The following RTL4 variants were observed in gnomAD, a reference collection of about 807,000 sequenced individuals.
RTL4 encodes the protein retrotransposon Gag like 4, also known as retrotransposon Gag-like protein 4.
In RTL4, 4 loss-of-function variants were observed where a neutral mutation model predicts 5.3. The ratio of observed to expected loss-of-function variants is 0.75; its 90% CI spans 0.37 to 1.72. The LOEUF (loss-of-function observed/expected upper bound fraction) is 1.72. Ranked by LOEUF, RTL4 falls within the 40% of genes most tolerant of loss-of-function variation. The pLI is 0.04. For synonymous variants in RTL4, 98 were observed against 87.3 expected, an observed-to-expected ratio of 1.12 and a Z score of -0.68; for missense variants, 260 against 227.1, an observed-to-expected ratio of 1.14 and a Z score of -0.93.
the RTL4 span, among the ~76,000 whole-genome samples, chrX:112,136,400 T>C: frequency 3.6e-5 from 4 of 111,961 alleles, no homozygotes; most frequent in Admixed American, 2.9e-4. Context: ...TCCATGCCTT[T>C]TTCCAGATCA....
chrX:112,194,618 A>G, the RTL4 span, among the ~76,000 whole-genome samples: 1 of 112,049 alleles, frequency 8.9e-6, no homozygotes, highest in African/African-American at 3.2e-5. Flanking sequence ...TTTTCCTAAT[A>G]TTATGACTCT....
At chrX:112,205,204 TA>T in the RTL4 span, among the ~76,000 whole-genome samples, 6,145 of 110,957 alleles carry the variant, frequency 0.055, 454 homozygotes, top group African/African-American at 0.19. Flanking sequence ...ACAATTTTAT[TA>T]GATAGATGTA....
the RTL4 span, among the ~76,000 whole-genome samples, chrX:112,115,745 T>C: frequency 3.6e-5 from 4 of 111,732 alleles, no homozygotes; most frequent in South Asian, 1.5e-3. Flanking sequence ...TAGAAATCAT[T>C]CTTATAGGAG....
the RTL4 span, among the ~76,000 whole-genome samples, chrX:112,165,629 A>T: frequency 9.0e-6 from 1 of 111,419 alleles, no homozygotes; most frequent in Non-Finnish European, 1.9e-5. Flanking sequence ...TATTTTTAAT[A>T]TTTTTGACTC....
At chrX:112,258,258 C>T in the RTL4 span, among the ~76,000 whole-genome samples, 2 of 110,347 alleles carry the variant, frequency 1.8e-5, no homozygotes, top group African/African-American at 6.6e-5. Flanking sequence ...TATACAACAC[C>T]AAGAGTGAAC....
At chrX:112,450,987 T>C (rs973914579), upstream of RTL4, among the ~76,000 whole-genome samples, 4 of 111,767 alleles carry the variant, frequency 3.6e-5, no homozygotes, top group African/African-American at 1.3e-4. Flanking sequence ...GCACTTAGTC[T>C]TTATCCTTTT....
At chrX:112,332,811 C>T in the RTL4 span, among the ~76,000 whole-genome samples, 2 of 109,991 alleles carry the variant, frequency 1.8e-5, no homozygotes, top group Non-Finnish European at 3.8e-5. Flanking sequence ...GAACATGTAC[C>T]CTAGAACTTA....
the RTL4 span, among the ~76,000 whole-genome samples, chrX:112,435,944 C>T: frequency 4.5e-5 from 5 of 111,826 alleles, no homozygotes; most frequent in South Asian, 7.4e-4. Flanking sequence ...AGGCCCAGCG[C>T]GGTAGCTCAC....
At chrX:112,320,524 A>G in the RTL4 span, 5 of 111,353 alleles carry the variant, frequency 4.5e-5, no homozygotes, top group South Asian at 2.0e-3. Flanking sequence ...AGCTAGCAGA[A>G]TGTTGAAAAA....
At chrX:112,152,375 G>T in the RTL4 span, among the ~76,000 whole-genome samples, 2 of 112,039 alleles carry the variant, frequency 1.8e-5, no homozygotes, top group Non-Finnish European at 1.9e-5. Flanking sequence ...ATGGAAGTTT[G>T]TATAGTTGGG....
the RTL4 span, among the ~76,000 whole-genome samples, chrX:112,408,143 G>A: frequency 3.6e-5 from 4 of 111,081 alleles, no homozygotes; most frequent in African/African-American, 1.3e-4. Flanking sequence ...TGACCTCACA[G>A]AACAAACTAA....
chrX:112,281,422 T>C, the RTL4 span, among the ~76,000 whole-genome samples: 1 of 112,302 alleles, frequency 8.9e-6, no homozygotes, highest in African/African-American at 3.2e-5. Flanking sequence ...GTATTTGGGC[T>C]ATTGGGAATA....
chrX:112,398,463 G>A, the RTL4 span, among the ~76,000 whole-genome samples: 1 of 93,251 alleles, frequency 1.1e-5, no homozygotes, highest in Non-Finnish European at 2.1e-5. Context: ...GCAGTGGTGT[G>A]ATCTCAGCTC....
the RTL4 span, among the ~76,000 whole-genome samples, chrX:112,298,077 A>T: frequency 8.9e-6 from 1 of 111,759 alleles, no homozygotes; most frequent in African/African-American, 3.3e-5. Context: ...TCAGAATCAG[A>T]GCGTCTGGAT....
upstream of RTL4, among the ~76,000 whole-genome samples, chrX:112,449,695 C>T (rs998966092): frequency 1.8e-5 from 2 of 111,585 alleles, no homozygotes; most frequent in African/African-American, 6.5e-5. Flanking sequence ...GTCAGTCACC[C>T]GATATTCACA....
At chrX:112,333,126 G>A in the RTL4 span, among the ~76,000 whole-genome samples, 1 of 110,531 alleles carries the variant, frequency 9.0e-6, no homozygotes, top group Non-Finnish European at 1.9e-5. Context: ...TCAATGGTGT[G>A]TGCATGTGTG....
the RTL4 span, among the ~76,000 whole-genome samples, chrX:112,361,778 G>C: frequency 9.0e-6 from 1 of 110,919 alleles, no homozygotes; most frequent in African/African-American, 3.3e-5. Context: ...CTCCCCTTTA[G>C]TTATAGTGGC....
chrX:112,381,418 A>G, the RTL4 span: 2 of 1,207,326 alleles, frequency 1.7e-6, no homozygotes, highest in Non-Finnish European at 2.2e-6. Context: ...AGCATATAAA[A>G]CAAGCTCAAA....
chrX:112,241,146 A>G, the RTL4 span, among the ~76,000 whole-genome samples: 3 of 111,464 alleles, frequency 2.7e-5, no homozygotes, highest in Non-Finnish European at 3.8e-5. Flanking sequence ...ATATGTCTTT[A>G]TGGTATTTAC....
Sources: gnomAD v4.1 joint callset for allele counts (sites outside exome capture counted in the v4.1 genomes callset) on GRCh38, gnomAD v4.1.1 for gene constraint, MANE v1.5 for transcripts, NCBI Gene and HGNC (gene_info 2026-07-23, HGNC 2026-07-21) for gene names.